NELL1: variants seen among roughly 807,000 people sequenced by gnomAD.
NELL1 encodes neural EGFL like 1.
NELL1 carries 76 observed loss-of-function variants against 107.4 expected under a neutral mutation model. The observed-to-expected ratio is 0.71, with a 90% CI of 0.59 to 0.86. The LOEUF (loss-of-function observed/expected upper bound fraction) is 0.86. Ranked by LOEUF, NELL1 falls within the 40% of genes least tolerant of loss-of-function variation. The probability of loss-of-function intolerance (pLI) is 0.00; values close to 1 mark genes in which losing one functional copy is unlikely to be tolerated. For synonymous variants in NELL1, 353 were observed against 341.2 expected, an observed-to-expected ratio of 1.03 and a Z score of -0.38; for missense variants, 1,024 against 1,005.5, an observed-to-expected ratio of 1.02 and a Z score of -0.25.
chr11:21,023,312 G>A (rs1295138043), intron 12 of NELL1, among the ~76,000 whole-genome samples: 1 of 151,866 alleles, frequency 6.6e-6, no homozygotes, highest in Non-Finnish European at 1.5e-5. Context: ...CTAAGCCTTA[G>A]TACCTTAAAA....
intron 15 of NELL1, among the ~76,000 whole-genome samples, chr11:21,395,426 A>G (rs1285563392): frequency 6.6e-6 from 1 of 151,520 alleles, no homozygotes; most frequent in Non-Finnish European, 1.5e-5. Context: ...GATTTTAGAG[A>G]ACTCATAACA....
chr11:20,685,595 A>G (rs1854288828), intron 2 of NELL1, among the ~76,000 whole-genome samples: 1 of 152,108 alleles, frequency 6.6e-6, no homozygotes, highest in Admixed American at 6.6e-5. Context: ...TGGGGGTAAT[A>G]ATAGTGCCTA....
At chr11:20,836,875 G>A (rs1287600333) in intron 3 of NELL1, among the ~76,000 whole-genome samples, 1 of 152,032 alleles carries the variant, frequency 6.6e-6, no homozygotes, top group African/African-American at 2.4e-5. Flanking sequence ...ATTCTGTAAT[G>A]GTGGACACAT....
At chr11:21,286,806 G>A (rs902740866) in intron 14 of NELL1, among the ~76,000 whole-genome samples, 8 of 152,156 alleles carry the variant, frequency 5.3e-5, no homozygotes, top group African/African-American at 1.4e-4. Context: ...TAAGCTCCAC[G>A]TGTTTTCTTT....
intron 14 of NELL1, among the ~76,000 whole-genome samples, chr11:21,256,524 C>A (rs1858772373): frequency 6.6e-6 from 1 of 152,016 alleles, no homozygotes; most frequent in Non-Finnish European, 1.5e-5. Flanking sequence ...TGTGCTTTGA[C>A]TGCTTCTTTA....
chr11:21,394,053 G>A (rs1487732551), intron 15 of NELL1, among the ~76,000 whole-genome samples: 8 of 151,476 alleles, frequency 5.3e-5, no homozygotes, highest in African/African-American at 1.9e-4. Context: ...TATACGCAAG[G>A]GCACACATAG....
chr11:20,742,736 G>T (rs779523574), intron 2 of NELL1, among the ~76,000 whole-genome samples: 1 of 152,132 alleles, frequency 6.6e-6, no homozygotes, highest in East Asian at 1.9e-4. Flanking sequence ...ACCTCCTACT[G>T]GGTCCCTCCC....
chr11:20,980,892 G>A (rs764728269), intron 12 of NELL1, among the ~76,000 whole-genome samples: 1 of 152,194 alleles, frequency 6.6e-6, no homozygotes, highest in Non-Finnish European at 1.5e-5. Context: ...ATGAACAGAA[G>A]CAATGTGTGT....
intron 15 of NELL1, among the ~76,000 whole-genome samples, chr11:21,514,911 G>T (rs971559366): frequency 6.6e-6 from 1 of 152,176 alleles, no homozygotes; most frequent in East Asian, 1.9e-4. Context: ...GAAGCCAGGA[G>T]TTGGGTGGGG....
chr11:21,548,416 A>C (rs149266130), intron 16 of NELL1, among the ~76,000 whole-genome samples: 92 of 152,072 alleles, frequency 6.0e-4, no homozygotes, highest in African/African-American at 2.1e-3. Flanking sequence ...GAGAACTCAC[A>C]GTTCCACATG....
chr11:20,885,883 C>T (rs1406592075), intron 5 of NELL1, among the ~76,000 whole-genome samples: 2 of 152,156 alleles, frequency 1.3e-5, no homozygotes, highest in Non-Finnish European at 2.9e-5. Flanking sequence ...GAAGGATTTA[C>T]GATAATCTTC....
chr11:20,793,025 G>A (rs1564911460), intron 3 of NELL1, among the ~76,000 whole-genome samples: 1 of 151,898 alleles, frequency 6.6e-6, no homozygotes, highest in Non-Finnish European at 1.5e-5. Context: ...AGATGCAAAT[G>A]TAATTAGATG....
At chr11:21,132,554 G>T (rs976450611) in intron 13 of NELL1, among the ~76,000 whole-genome samples, 2 of 152,188 alleles carry the variant, frequency 1.3e-5, no homozygotes, top group African/African-American at 2.4e-5. Context: ...GCTGGCACAG[G>T]TGCTAGCTCC....
intron 5 of NELL1, among the ~76,000 whole-genome samples, chr11:20,907,566 A>G (rs1354613489): frequency 6.6e-6 from 1 of 152,136 alleles, no homozygotes; most frequent in African/African-American, 2.4e-5. Context: ...TAAAATTCCC[A>G]TCCTATTAGA....
intron 12 of NELL1, among the ~76,000 whole-genome samples, chr11:21,005,781 T>C (rs79892447): frequency 0.028 from 4,241 of 152,286 alleles, 160 homozygotes; most frequent in African/African-American, 0.088. Flanking sequence ...CGTGATGGAT[T>C]CTTTAGAAAT....
At chr11:21,149,764 G>C (rs760955037) in intron 13 of NELL1, among the ~76,000 whole-genome samples, 1 of 152,164 alleles carries the variant, frequency 6.6e-6, no homozygotes, top group Non-Finnish European at 1.5e-5. Context: ...CAGAATTTCC[G>C]TTCTCATGGA....
intron 13 of NELL1, among the ~76,000 whole-genome samples, chr11:21,183,735 T>G (rs1455829811): frequency 1.3e-5 from 2 of 151,702 alleles, no homozygotes; most frequent in East Asian, 1.9e-4. Context: ...ATATAACTAG[T>G]GGGAACCATG....
chr11:20,710,430 C>G (rs1259696110), intron 2 of NELL1, among the ~76,000 whole-genome samples: 1 of 151,986 alleles, frequency 6.6e-6, no homozygotes, highest in East Asian at 1.9e-4. Context: ...TTTTGATATG[C>G]TGTTGGATTC....
chr11:21,019,732 G>T lies in NELL1; in HGVS notation c.1300+59172G>T, dbSNP rs142745166. Among the ~76,000 whole-genome samples the T allele has an allele frequency of 4.5e-3, 683 of 152,120 alleles. 7 individuals carry two copies. The highest frequency in any genetic ancestry group is 4.0e-3 in the Non-Finnish European group (270 of 67,972). ...ACTGCTGTGGTTGAGACACAATGATGTATCTTATTTAACCCTGTCCCAGAG... is the reference window on the plus strand; with the variant it reads ...ACTGCTGTGGTTGAGACACAATGATTTATCTTATTTAACCCTGTCCCAGAG... On this transcript the variant is annotated intron_variant, in intron 12 of 19. Transcript: ENST00000357134.
Sources: allele counts gnomAD v4.1 joint callset (sites outside exome capture counted in the v4.1 genomes callset), GRCh38; gene constraint gnomAD v4.1.1; transcripts MANE v1.5; gene names NCBI Gene and HGNC (gene_info 2026-07-23, HGNC 2026-07-21).